MAPT: variants seen among roughly 807,000 people sequenced by gnomAD.
The protein encoded by MAPT is microtubule-associated protein tau.
MAPT carries 34 observed loss-of-function variants against 67.9 expected under a neutral mutation model. That is an observed-to-expected ratio of 0.50 (90% CI 0.38 to 0.67). MAPT has a LOEUF of 0.67. MAPT is among the 30% of genes least tolerant of loss of function. MAPT has a pLI of 0.00. For missense variants in MAPT, 881 were observed against 1,115.2 expected (o/e 0.79, Z 2.99); for synonymous variants, 456 against 464.5 (o/e 0.98, Z 0.23).
chr17:45,938,094 A>G (rs1255454508), intron 1 of MAPT, among the ~76,000 whole-genome samples: 2 of 152,224 alleles, frequency 1.3e-5, no homozygotes, highest in South Asian at 2.1e-4. Flanking sequence ...AATCAACTGT[A>G]TTAATTTTCT....
chr17:46,015,981 T>C (rs2076153367), intron 11 of MAPT, among the ~76,000 whole-genome samples: 1 of 152,218 alleles, frequency 6.6e-6, no homozygotes, highest in African/African-American at 2.4e-5. Flanking sequence ...TTCAGCTATA[T>C]GGATGCATGA....
intron 9 of MAPT, chr17:45,999,105 G>T: frequency 8.4e-7 from 1 of 1,195,332 alleles, no homozygotes. Flanking sequence ...GCCATACCCT[G>T]CCCTGTGTCC....
chr17:46,016,702 C>T lies in MAPT; in HGVS notation c.2174-1916C>T, dbSNP rs371039715. 5.1e-4 allele frequency among the ~76,000 whole-genome samples: 77 copies of T among 152,046 alleles called. 1 individual carries two copies. Among genetic ancestry groups the T allele is most frequent in the African/African-American group, 1.8e-3 (75 of 41,466 alleles). On this transcript the variant is annotated intron_variant, in intron 11 of 12. Transcript: ENST00000262410. ...AGGAGAATGGCATGAACCTGGGAGG[C>T]GGAGCTTGCAGTGAGCCAAGATCGC... is the stretch of plus-strand genomic sequence containing the variant.
At chr17:46,005,074 G>A (rs540752854) in intron 9 of MAPT, among the ~76,000 whole-genome samples, 14 of 152,278 alleles carry the variant, frequency 9.2e-5, no homozygotes, top group Admixed American at 4.6e-4. Flanking sequence ...GTGAGCCACC[G>A]TGCCCGGCCA....
intron 1 of MAPT, among the ~76,000 whole-genome samples, chr17:45,925,515 G>A (rs747686417): frequency 6.6e-6 from 1 of 152,226 alleles, no homozygotes; most frequent in Non-Finnish European, 1.5e-5. Flanking sequence ...CTAGGAATCT[G>A]TCCTAAGGAA....
At chr17:45,968,721 T>G (rs181960602) in intron 2 of MAPT, among the ~76,000 whole-genome samples, 3 of 152,292 alleles carry the variant, frequency 2.0e-5, no homozygotes, top group Non-Finnish European at 1.5e-5. Flanking sequence ...CCATTGGCAC[T>G]AAATAAAATA....
chr17:45,941,701 GCCTGCCTTCCTT>G (rs1185645453), intron 1 of MAPT, among the ~76,000 whole-genome samples: 1,710 of 73,486 alleles, frequency 0.023, 136 homozygotes, highest in African/African-American at 0.091. Context: ...CTTCCTTCCT[GCCTGCCTTCCTT>G]CCTTCCTTCC....
At chr17:46,013,172 T>TTAGG (rs1568331625) in intron 10 of MAPT, among the ~76,000 whole-genome samples, 4 of 152,084 alleles carry the variant, frequency 2.6e-5, no homozygotes, top group Non-Finnish European at 5.9e-5. Flanking sequence ...TCCAGGGCGG[T>TTAGG]GCTTCCTCGG....
At chr17:45,933,629 C>T (rs977966386) in intron 1 of MAPT, among the ~76,000 whole-genome samples, 3 of 152,084 alleles carry the variant, frequency 2.0e-5, no homozygotes. Context: ...CATTGTGTTC[C>T]GGACCCTTGT....
rs192642393 is a variant in MAPT, at chr17:45,971,661, G to T, written c.134-198G>T. On this transcript the variant is annotated intron_variant, in intron 2 of 12. Coordinates refer to ENST00000262410, the MANE Select transcript of MAPT (RefSeq NM_001377265.1). The surrounding 1 kb of genome is among the most constrained non-coding windows in gnomAD (Gnocchi z 4.3). ...CCTGTGTCCTCATCTGATGGCCCTG[G>T]TGTGGGGCACAGTCGTGTTGGCAGG... Among the ~76,000 whole-genome samples, 1 of 152,306 alleles carries T rather than the reference G, an allele frequency of 6.6e-6. No homozygotes were observed. Among genetic ancestry groups the T allele is most frequent in the Non-Finnish European group, 1.5e-5 (1 of 68,022 alleles).
chr17:46,002,444 G>T (rs1254669157), intron 9 of MAPT, among the ~76,000 whole-genome samples: 1 of 152,130 alleles, frequency 6.6e-6, no homozygotes, highest in Non-Finnish European at 1.5e-5. Context: ...GAGAACTGGG[G>T]ACCCTGTGAC....
At chr17:45,962,906 C>A (rs1480882542) in intron 2 of MAPT, among the ~76,000 whole-genome samples, 3 of 150,472 alleles carry the variant, frequency 2.0e-5, no homozygotes, top group Non-Finnish European at 4.4e-5. Context: ...GCCTGAGCAA[C>A]AGAGCAAGAC....
At chr17:45,962,663 C>T (rs1216683957) in intron 2 of MAPT, among the ~76,000 whole-genome samples, 193 bp downstream of exon 2, 5 of 152,184 alleles carry the variant, frequency 3.3e-5, no homozygotes, top group South Asian at 4.1e-4. Context: ...CGGTGGCTCA[C>T]GCCTGTAATC....
At chr17:45,960,618 T>G (rs1279982156) in intron 1 of MAPT, among the ~76,000 whole-genome samples, 1 of 152,218 alleles carries the variant, frequency 6.6e-6, no homozygotes, top group African/African-American at 2.4e-5. Flanking sequence ...GTTGTATTAC[T>G]TTTCTCATCA....
intron 9 of MAPT, among the ~76,000 whole-genome samples, chr17:46,004,466 T>G (rs2075270564): frequency 6.6e-6 from 1 of 152,208 alleles, no homozygotes; most frequent in South Asian, 2.1e-4. Context: ...ATTGGGAGCT[T>G]GCAACACATC....
chr17:45,946,262 T>C (rs1266586450), intron 1 of MAPT, among the ~76,000 whole-genome samples: 1 of 152,068 alleles, frequency 6.6e-6, no homozygotes, highest in Non-Finnish European at 1.5e-5. Flanking sequence ...CATCAGTTTG[T>C]CTCACACAAC....
At chr17:45,989,713 A>G (rs904968085) in intron 6 of MAPT, among the ~76,000 whole-genome samples, 165 bp from the exon 7 acceptor site, 1 of 152,224 alleles carries the variant, frequency 6.6e-6, no homozygotes, top group Non-Finnish European at 1.5e-5. Context: ...TCCTGTTCTT[A>G]CTGATCAGAA....
rs1395344337 is a variant in MAPT, at chr17:45,983,199, T to C, written c.620T>C (p.Val207Ala). The C allele has an allele frequency of 3.7e-6, 6 of 1,608,320 alleles. No individual in the cohort carries two copies. Among genetic ancestry groups the C allele is most frequent in the Non-Finnish European group, 5.1e-6 (6 of 1,177,838 alleles). The change falls in exon 5 of 13, where the codon GTC (valine) becomes GCC (alanine). Residue 207 changes from valine (V) to alanine (A), a missense_variant. By Grantham distance (64) the Val-to-Ala change is moderately conservative (BLOSUM62 0). Transcript: ENST00000262410. Reference sequence around the variant, plus strand: ...ACAGAGCCTGAAAGTGGTAAGGTGGTCCAGGAAGGCTTCCTCCGAGAGCCA... The same window carrying C: ...ACAGAGCCTGAAAGTGGTAAGGTGGCCCAGGAAGGCTTCCTCCGAGAGCCA... ...LHTEPESGKVVQEGFLREPGP... is the reference protein window; with the variant it reads ...LHTEPESGKVAQEGFLREPGP...
chr17:46,016,776 A>G (rs972187832), intron 11 of MAPT, among the ~76,000 whole-genome samples: 3 of 152,020 alleles, frequency 2.0e-5, no homozygotes, highest in Non-Finnish European at 2.9e-5. Context: ...GCAAAAAAAG[A>G]AAGAAAGAAA....
Sources: allele counts gnomAD v4.1 joint callset (sites outside exome capture counted in the v4.1 genomes callset), GRCh38; gene constraint gnomAD v4.1.1; non-coding constraint Gnocchi (gnomAD v3.1); transcripts MANE v1.5; gene names NCBI Gene and HGNC (gene_info 2026-07-23, HGNC 2026-07-21).